The following TANC2 variants were observed in gnomAD, a reference collection of about 807,000 sequenced individuals.
TANC2 encodes tetratricopeptide repeat, ankyrin repeat and coiled-coil containing 2.
TANC2 carries 26 observed loss-of-function variants against 210.5 expected under a neutral mutation model. That is an observed-to-expected ratio of 0.12 (90% confidence interval 0.09 to 0.17). The LOEUF is 0.17. TANC2 is among the 10% of genes least tolerant of loss of function. TANC2 has a pLI of 1.00. For missense variants in TANC2, 2,129 were observed against 2,608.9 expected (o/e 0.82, Z 4.01); for synonymous variants, 931 against 967.1 (o/e 0.96, Z 0.69).
At chr17:63,282,789 A>C (rs2044099130) in intron 9 of TANC2, among the ~76,000 whole-genome samples, 1 of 151,958 alleles carries the variant, frequency 6.6e-6, no homozygotes, top group Non-Finnish European at 1.5e-5. Context: ...TGATATTGAA[A>C]ATCTTCCTGT....
intron 5 of TANC2, among the ~76,000 whole-genome samples, chr17:63,165,729 A>T (rs1226606304): frequency 6.6e-6 from 1 of 152,236 alleles, no homozygotes; most frequent in African/African-American, 2.4e-5. Context: ...CCTTACTCTG[A>T]TCAGTGTATC....
intron 2 of TANC2, among the ~76,000 whole-genome samples, chr17:63,060,623 A>G (rs1224380747): frequency 6.6e-6 from 1 of 152,126 alleles, no homozygotes; most frequent in Admixed American, 6.5e-5. Context: ...TCTGTCTCAA[A>G]AAAAAAACAA....
chr17:63,411,264 G>A (rs976819204), intron 21 of TANC2, among the ~76,000 whole-genome samples: 1 of 152,152 alleles, frequency 6.6e-6, no homozygotes, highest in Admixed American at 6.5e-5. Flanking sequence ...GGTATAGAGA[G>A]TAATTAGGAA....
intron 7 of TANC2, among the ~76,000 whole-genome samples, chr17:63,225,012 G>A (rs2042293133): frequency 2.0e-5 from 3 of 151,890 alleles, no homozygotes; most frequent in Admixed American, 2.0e-4. Flanking sequence ...ATTTTAATTA[G>A]GATTTAAACA....
intron 5 of TANC2, among the ~76,000 whole-genome samples, chr17:63,167,447 C>G (rs1382892505): frequency 2.6e-5 from 4 of 152,012 alleles, no homozygotes; most frequent in African/African-American, 7.2e-5. Flanking sequence ...ATGTTATTTT[C>G]TTTTGTTTTC....
chr17:63,007,575 TC>T (rs1198168415), intron 1 of TANC2, among the ~76,000 whole-genome samples: 1 of 152,136 alleles, frequency 6.6e-6, no homozygotes, highest in East Asian at 1.9e-4. Flanking sequence ...TTTTACTTAT[TC>T]TTTTTATCTC....
At chr17:63,359,772 G>T (rs1436760600) in intron 14 of TANC2, among the ~76,000 whole-genome samples, 1 of 152,088 alleles carries the variant, frequency 6.6e-6, no homozygotes, top group African/African-American at 2.4e-5. Context: ...TTGTGATGTG[G>T]GAGCCTAATT....
chr17:63,119,802 G>A (rs1309469049), intron 4 of TANC2, among the ~76,000 whole-genome samples: 1 of 152,076 alleles, frequency 6.6e-6, no homozygotes, highest in African/African-American at 2.4e-5. Flanking sequence ...ATCCCTTGAG[G>A]CCAGGAGTTC....
At chr17:63,199,618 CAA>C (rs372702611) in intron 6 of TANC2, among the ~76,000 whole-genome samples, 41 of 114,184 alleles carry the variant, frequency 3.6e-4, no homozygotes, top group Admixed American at 1.0e-3. Context: ...AACTCCATCT[CAA>C]AAAAAAAAAA....
At chr17:63,283,688 G>A (rs1459571898) in intron 9 of TANC2, among the ~76,000 whole-genome samples, 2 of 151,860 alleles carry the variant, frequency 1.3e-5, no homozygotes, top group African/African-American at 2.4e-5. Context: ...AGCTTTCAAT[G>A]TATAAATGTT....
chr17:63,200,650 C>A, intron 6 of TANC2, 121 bp from the exon 7 acceptor site: 3 of 840,260 alleles, frequency 3.6e-6, no homozygotes, highest in Non-Finnish European at 5.5e-6. Flanking sequence ...ACAAATAGAG[C>A]CTAATAGATG....
chr17:63,057,215 G>A (rs1408809258), intron 2 of TANC2, among the ~76,000 whole-genome samples: 3 of 152,124 alleles, frequency 2.0e-5, no homozygotes, highest in African/African-American at 7.2e-5. Flanking sequence ...GAAAATTTAT[G>A]ACATACCTGC....
At chr17:63,171,073 ATTTC>A (rs1598519792) in intron 5 of TANC2, among the ~76,000 whole-genome samples, 4 of 131,518 alleles carry the variant, frequency 3.0e-5, no homozygotes, top group East Asian at 2.3e-4. Flanking sequence ...TCCCAAATGT[ATTTC>A]TTTCTTTTTT....
At chr17:62,972,510 G>GT (rs571234220) in intron 1 of TANC2, among the ~76,000 whole-genome samples, 1 of 152,038 alleles carries the variant, frequency 6.6e-6, no homozygotes, top group Admixed American at 6.5e-5. Context: ...TTGTTGGTGT[G>GT]TTTTTTTAAA....
chr17:63,083,889 T>C (rs2036865987), intron 3 of TANC2, among the ~76,000 whole-genome samples: 1 of 152,218 alleles, frequency 6.6e-6, no homozygotes, highest in East Asian at 1.9e-4. Context: ...TGGATTTGAT[T>C]TGTAAATATT....
intron 2 of TANC2, among the ~76,000 whole-genome samples, chr17:63,012,710 G>A (rs1382743292): frequency 6.6e-6 from 1 of 152,106 alleles, no homozygotes; most frequent in Non-Finnish European, 1.5e-5. Context: ...ACAATGCAGT[G>A]GCACTATAAT....
At chr17:63,011,800 C>G (rs909816947) in intron 2 of TANC2, among the ~76,000 whole-genome samples, 1 of 151,842 alleles carries the variant, frequency 6.6e-6, no homozygotes, top group African/African-American at 2.4e-5. Context: ...TTGCTTTCAA[C>G]ATTTCTGTGT....
chr17:63,114,364 G>T (rs950878359), intron 4 of TANC2, among the ~76,000 whole-genome samples: 2 of 152,160 alleles, frequency 1.3e-5, no homozygotes, highest in African/African-American at 4.8e-5. Context: ...CTTTAGAGTT[G>T]TAACTATTTT....
chr17:63,332,017 C>T, intron 11 of TANC2: 1 of 283,142 alleles, frequency 3.5e-6, no homozygotes, highest in South Asian at 4.4e-5. Flanking sequence ...CTGTCATCAT[C>T]CACCTCTGGC....
Sources: gnomAD v4.1 joint callset for allele counts (sites outside exome capture counted in the v4.1 genomes callset) on GRCh38, gnomAD v4.1.1 for gene constraint, MANE v1.5 for transcripts, NCBI Gene and HGNC (gene_info 2026-07-23, HGNC 2026-07-21) for gene names.